The following SND1 variants were observed in gnomAD, a reference collection of about 807,000 sequenced individuals.
SND1 encodes staphylococcal nuclease domain-containing protein 1.
SND1 carries 38 observed loss-of-function variants against 121.7 expected under a neutral mutation model. The ratio of observed to expected loss-of-function variants is 0.31; its 90% CI spans 0.24 to 0.41. SND1 has a LOEUF of 0.41. Ranked by LOEUF, SND1 falls within the 10% of genes least tolerant of loss-of-function variation. SND1 has a pLI of 1.00. For synonymous variants in SND1, 401 were observed against 447.4 expected (o/e 0.90, Z 1.31); for missense variants, 868 against 1,184.6 (o/e 0.73, Z 3.92).
chr7:127,856,598 C>T (rs1256079233), intron 12 of SND1, among the ~76,000 whole-genome samples: 1 of 152,176 alleles, frequency 6.6e-6, no homozygotes, highest in Non-Finnish European at 1.5e-5. Flanking sequence ...GGGAGGTGGA[C>T]TGCCTTCTAT....
intron 16 of SND1, among the ~76,000 whole-genome samples, chr7:128,006,231 C>T (rs1242540511): frequency 2.6e-5 from 4 of 151,836 alleles, no homozygotes; most frequent in Non-Finnish European, 5.9e-5. Context: ...GGGAAGGGTG[C>T]GTGCGTGCGT....
intron 10 of SND1, among the ~76,000 whole-genome samples, chr7:127,749,169 G>T (rs1313137452): frequency 1.3e-5 from 2 of 151,870 alleles, no homozygotes; most frequent in East Asian, 3.9e-4. Flanking sequence ...AACTAGCTGG[G>T]ATTATAGGCA....
intron 11 of SND1, among the ~76,000 whole-genome samples, chr7:127,835,491 T>C (rs1357964899): frequency 1.3e-5 from 2 of 151,996 alleles, no homozygotes; most frequent in Non-Finnish European, 2.9e-5. Context: ...GCAATGGGAG[T>C]TGGCAGCTCT....
chr7:128,042,195 G>A (rs1792867529), intron 16 of SND1: 1 of 152,228 alleles, frequency 6.6e-6, no homozygotes, highest in African/African-American at 2.4e-5. Flanking sequence ...ACTCTGAAAG[G>A]ATGCTTTGTG....
intron 16 of SND1, among the ~76,000 whole-genome samples, chr7:128,048,008 C>T (rs529660284): frequency 4.6e-5 from 7 of 152,100 alleles, no homozygotes; most frequent in South Asian, 2.1e-4. Context: ...CCATCATGCC[C>T]GGCTAATTTT....
intron 12 of SND1, among the ~76,000 whole-genome samples, chr7:127,883,438 C>T (rs1799833910): frequency 6.6e-6 from 1 of 152,148 alleles, no homozygotes; most frequent in African/African-American, 2.4e-5. Context: ...CAGTTTACTT[C>T]ACAATGTGTG....
At chr7:128,065,497 G>A (rs1410209432) in intron 16 of SND1, among the ~76,000 whole-genome samples, 1 of 152,234 alleles carries the variant, frequency 6.6e-6, no homozygotes, top group Non-Finnish European at 1.5e-5. Context: ...GAACTGACAC[G>A]TGAACTTGAC....
chr7:127,963,031 G>A lies in SND1; in HGVS notation c.1670-27916G>A, dbSNP rs75054414. On this transcript the variant is annotated intron_variant, in intron 15 of 23. Coordinates refer to ENST00000354725, the MANE Select transcript of SND1 (RefSeq NM_014390.4). Reference sequence around the variant, plus strand: ...AATCAACAATTACTTTATATTTATTGTGATGATCGCATTCTGTTTGATCTA... The same window carrying A: ...AATCAACAATTACTTTATATTTATTATGATGATCGCATTCTGTTTGATCTA... Among the ~76,000 whole-genome samples the A allele has an allele frequency of 4.1e-3, 624 of 152,222 alleles. 7 individuals carry two copies. Among genetic ancestry groups the A allele is most frequent in the African/African-American group, 0.014 (599 of 41,516 alleles).
At chr7:127,998,546 A>C (rs1435133567) in intron 16 of SND1, 2 of 154,030 alleles carry the variant, frequency 1.3e-5, no homozygotes, top group African/African-American at 4.8e-5. Flanking sequence ...GTTAATTTTG[A>C]AGTTCAGGTC....
At chr7:127,801,696 C>T (rs1204192456) in intron 10 of SND1, among the ~76,000 whole-genome samples, 1 of 152,258 alleles carries the variant, frequency 6.6e-6, no homozygotes, top group East Asian at 1.9e-4. Flanking sequence ...TTCGCTCTGC[C>T]GCCTCCTTGC....
intron 11 of SND1, among the ~76,000 whole-genome samples, chr7:127,843,646 G>A (rs1253813724): frequency 6.6e-6 from 1 of 152,160 alleles, no homozygotes; most frequent in African/African-American, 2.4e-5. Flanking sequence ...CCTACTGAAG[G>A]ATATATGGAT....
intron 14 of SND1, among the ~76,000 whole-genome samples, chr7:127,916,540 A>C (rs960596194): frequency 6.6e-6 from 1 of 152,170 alleles, no homozygotes; most frequent in African/African-American, 2.4e-5. Context: ...TGTCCAGAGA[A>C]TATTAAGAGA....
At chr7:127,982,882 C>T (rs1213161151) in intron 15 of SND1, among the ~76,000 whole-genome samples, 1 of 152,180 alleles carries the variant, frequency 6.6e-6, no homozygotes, top group Non-Finnish European at 1.5e-5. Flanking sequence ...GAAGCAATGG[C>T]ATGAACTGAT....
intron 10 of SND1, among the ~76,000 whole-genome samples, chr7:127,798,988 A>G (rs1404574794): frequency 1.3e-5 from 2 of 152,252 alleles, no homozygotes; most frequent in Non-Finnish European, 2.9e-5. Context: ...TCAAGGCTAC[A>G]GTGAGCCCTT....
intron 12 of SND1, among the ~76,000 whole-genome samples, chr7:127,860,190 G>A (rs1799350507): frequency 1.3e-5 from 2 of 152,128 alleles, no homozygotes. Context: ...TCCTTAATGT[G>A]TGTCTTCTTG....
At chr7:127,737,232 C>T (rs1675890801) in intron 10 of SND1, among the ~76,000 whole-genome samples, 1 of 152,202 alleles carries the variant, frequency 6.6e-6, no homozygotes, top group South Asian at 2.1e-4. Context: ...GTTCTGTCTA[C>T]TGTGCGTGAA....
Position 127,882,470 on chromosome 7 carries a change from G to C in SND1, c.1344-5432G>C, listed in dbSNP as rs182130177. On this transcript the variant is annotated intron_variant, in intron 12 of 23. Transcript: ENST00000354725. ...GGAAGAGAGGGGAGAGGAGAGGAGAGGAATTTAATTATTTTGGAAATAGAG... is the reference window on the plus strand; with the variant it reads ...GGAAGAGAGGGGAGAGGAGAGGAGACGAATTTAATTATTTTGGAAATAGAG... 5.3e-4 allele frequency among the ~76,000 whole-genome samples: 79 copies of C among 149,810 alleles called. No homozygotes were observed. The East Asian group carries it at 0.014, about 27-fold the overall frequency.
chr7:128,092,147 G>C lies in SND1; in HGVS notation c.*89G>C, dbSNP rs968189622. On this transcript the variant is annotated 3_prime_UTR_variant, in exon 24 of 24. Coordinates refer to ENST00000354725, the MANE Select transcript of SND1 (RefSeq NM_014390.4). This position sits in a 1 kb window ranked among gnomAD's most constrained non-coding sequence, Gnocchi z 4.9. Reference sequence around the variant, plus strand: ...TGTTTTCAACTCCAAACCCCAGAGAGGGGTTGTAGATTGGGTCCAGCTTTG... The same window carrying C: ...TGTTTTCAACTCCAAACCCCAGAGACGGGTTGTAGATTGGGTCCAGCTTTG... 1 of 1,374,054 alleles carries C rather than the reference G, an allele frequency of 7.3e-7. No individual in the cohort carries two copies. 85.1% of individuals were successfully genotyped at this position (1,374,054 alleles called of 1,614,324 possible).
intron 10 of SND1, among the ~76,000 whole-genome samples, chr7:127,723,899 T>C (rs997605228): frequency 1.3e-5 from 2 of 152,232 alleles, no homozygotes; most frequent in African/African-American, 2.4e-5. Flanking sequence ...ATATGAAAAA[T>C]AAATGAGACG....
Sources: allele counts gnomAD v4.1 joint callset (sites outside exome capture counted in the v4.1 genomes callset), GRCh38; gene constraint gnomAD v4.1.1; non-coding constraint Gnocchi (gnomAD v3.1); transcripts MANE v1.5; gene names NCBI Gene and HGNC (gene_info 2026-07-23, HGNC 2026-07-21).